Variants in PPP2R2C observed in about 807,000 individuals in gnomAD.
PPP2R2C encodes protein phosphatase 2 regulatory subunit Bgamma.
Under a neutral mutation model 45.3 loss-of-function variants are expected in PPP2R2C, and 10 were observed. The ratio of observed to expected loss-of-function variants is 0.22; its 90% CI spans 0.14 to 0.37. The LOEUF (loss-of-function observed/expected upper bound fraction) is 0.37, where lower values mean the gene tolerates loss of function less well. PPP2R2C is among the 10% of genes least tolerant of loss of function. PPP2R2C has a pLI of 1.00. For synonymous variants in PPP2R2C, 257 were observed against 245.4 expected (o/e 1.05, Z -0.44); for missense variants, 308 against 619.7 (o/e 0.50, Z 5.34).
At chr4:6,542,392 T>C (rs1264833670) in intron 1 of PPP2R2C, among the ~76,000 whole-genome samples, 1 of 152,058 alleles carries the variant, frequency 6.6e-6, no homozygotes, top group Admixed American at 6.6e-5. Flanking sequence ...ATTACAGAGA[T>C]TTAAAAGATA....
rs1234689422 is a variant in PPP2R2C, at chr4:6,332,472, C to T, written c.960+1090G>A. 2.0e-5 allele frequency among the ~76,000 whole-genome samples: 3 copies of T among 152,164 alleles called. No homozygotes were observed. Among genetic ancestry groups the T allele is most frequent in the Non-Finnish European group, 2.9e-5 (2 of 68,020 alleles). Reference sequence around the variant, plus strand: ...CTTGTGGGTGTGTGGCTTCCAGGAGCGTGAGCTGTTCCTCTGGGGCCCAGG... The same window carrying T: ...CTTGTGGGTGTGTGGCTTCCAGGAGTGTGAGCTGTTCCTCTGGGGCCCAGG... On this transcript the variant is annotated intron_variant, in intron 7 of 8. Coordinates refer to ENST00000382599, the MANE Select transcript of PPP2R2C (RefSeq NM_020416.4). This position sits in a 1 kb window ranked among gnomAD's most constrained non-coding sequence, Gnocchi z 4.9.
At chr4:6,360,476 C>T (rs933541611) in intron 5 of PPP2R2C, among the ~76,000 whole-genome samples, 7 of 152,122 alleles carry the variant, frequency 4.6e-5, no homozygotes, top group Non-Finnish European at 8.8e-5. Context: ...CCAGATGTCT[C>T]GGCAGGAGCC....
chr4:6,374,882 G>A (rs1715172638), intron 4 of PPP2R2C, among the ~76,000 whole-genome samples: 1 of 152,174 alleles, frequency 6.6e-6, no homozygotes, highest in Non-Finnish European at 1.5e-5. Flanking sequence ...GCGTGGCGTG[G>A]GTGAAATCGG....
At chr4:6,490,743 A>G (rs1211710709) in intron 2 of PPP2R2C, among the ~76,000 whole-genome samples, 1 of 152,206 alleles carries the variant, frequency 6.6e-6, no homozygotes, top group Non-Finnish European at 1.5e-5. Context: ...CTCTCAAGAT[A>G]TTCTGAAAAG....
intron 1 of PPP2R2C, among the ~76,000 whole-genome samples, chr4:6,560,936 C>T (rs961477076): frequency 1.3e-5 from 2 of 152,250 alleles, no homozygotes; most frequent in African/African-American, 2.4e-5. Flanking sequence ...CCCCACCCTT[C>T]CTCCTCTTTG....
chr4:6,443,639 G>C, intron 1 of PPP2R2C, among the ~76,000 whole-genome samples: 1 of 152,226 alleles, frequency 6.6e-6, no homozygotes, highest in East Asian at 1.9e-4. Flanking sequence ...CTGGGTGACT[G>C]TCACCAGTGA....
chr4:6,326,310 G>T (rs917059002), intron 8 of PPP2R2C, among the ~76,000 whole-genome samples: 5 of 152,060 alleles, frequency 3.3e-5, no homozygotes, highest in Non-Finnish European at 5.9e-5. Context: ...AACGGCCGGA[G>T]AGAAAAAAAC....
At chr4:6,384,877 T>G (rs1475512596) in intron 1 of PPP2R2C, 7 of 981,654 alleles carry the variant, frequency 7.1e-6, no homozygotes, top group African/African-American at 1.8e-5. Context: ...CTGGTTGGAG[T>G]CTTGGCTCCA....
intron 2 of PPP2R2C, among the ~76,000 whole-genome samples, chr4:6,530,500 A>G (rs901564373): frequency 6.6e-6 from 1 of 151,892 alleles, no homozygotes; most frequent in African/African-American, 2.4e-5. Context: ...AAGTCCTACA[A>G]TCCCCTTGTT....
chr4:6,468,921 C>T (rs10937733), intron 1 of PPP2R2C, among the ~76,000 whole-genome samples: 32,470 of 148,330 alleles, frequency 0.22, 4,128 homozygotes, highest in Admixed American at 0.34. Flanking sequence ...GGGCCCAGGG[C>T]CCAGTGCCCT....
chr4:6,462,092 A>G (rs1167408301), intron 1 of PPP2R2C, among the ~76,000 whole-genome samples: 2 of 152,246 alleles, frequency 1.3e-5, no homozygotes, highest in African/African-American at 2.4e-5. Flanking sequence ...ACCACTCTGC[A>G]GAAAGGGGTC....
chr4:6,405,405 A>T (rs1717726522), intron 1 of PPP2R2C, among the ~76,000 whole-genome samples: 1 of 152,182 alleles, frequency 6.6e-6, no homozygotes, highest in Non-Finnish European at 1.5e-5. Context: ...AAATAACTGG[A>T]TAATAAGTGC....
At chr4:6,528,771 C>T (rs989173341) in intron 2 of PPP2R2C, among the ~76,000 whole-genome samples, 1 of 152,154 alleles carries the variant, frequency 6.6e-6, no homozygotes, top group African/African-American at 2.4e-5. Context: ...ATTCCTTCTC[C>T]TGGCTCATCC....
chr4:6,556,508 G>A (rs185213672), intron 1 of PPP2R2C, among the ~76,000 whole-genome samples: 22 of 152,262 alleles, frequency 1.4e-4, no homozygotes, highest in Admixed American at 8.5e-4. Flanking sequence ...TTCCGTGTGC[G>A]TGTGTGTGCG....
intron 5 of PPP2R2C, among the ~76,000 whole-genome samples, chr4:6,355,205 CTGAA>C (rs1230336706): frequency 3.2e-5 from 3 of 93,990 alleles, no homozygotes; most frequent in Admixed American, 1.2e-4. Context: ...TAGTTGCTGA[CTGAA>C]TGAATGAATC....
intron 1 of PPP2R2C, among the ~76,000 whole-genome samples, chr4:6,398,283 T>C (rs1370736601): frequency 6.6e-6 from 1 of 151,756 alleles, no homozygotes; most frequent in Non-Finnish European, 1.5e-5. Context: ...ACCTTTGCTA[T>C]GTGAAAGAAA....
intron 1 of PPP2R2C, among the ~76,000 whole-genome samples, chr4:6,411,575 G>T (rs1395205782): frequency 7.1e-6 from 1 of 140,146 alleles, no homozygotes; most frequent in Non-Finnish European, 1.5e-5. Context: ...TTTTTTGAGA[G>T]GGAGTCTTGC....
At chr4:6,423,479 T>C (rs1214152302) in intron 1 of PPP2R2C, among the ~76,000 whole-genome samples, 1 of 152,190 alleles carries the variant, frequency 6.6e-6, no homozygotes, top group Non-Finnish European at 1.5e-5. Context: ...GCTGGGATTA[T>C]AGGCATTAGC....
chr4:6,546,013 G>C (rs1400503334), intron 1 of PPP2R2C, among the ~76,000 whole-genome samples: 1 of 152,166 alleles, frequency 6.6e-6, no homozygotes, highest in Admixed American at 6.5e-5. Flanking sequence ...TGGAGAGATG[G>C]AGTTATTGGG....
Sources: gnomAD v4.1 joint callset for allele counts (sites outside exome capture counted in the v4.1 genomes callset) on GRCh38, gnomAD v4.1.1 for gene constraint, Gnocchi (gnomAD v3.1) non-coding constraint, MANE v1.5 for transcripts, NCBI Gene and HGNC (gene_info 2026-07-23, HGNC 2026-07-21) for gene names.